FHIP1A: variants seen among roughly 807,000 people sequenced by gnomAD.
The protein encoded by FHIP1A is FHF complex subunit HOOK-interacting protein 1A.
Under a neutral mutation model 88.6 loss-of-function variants are expected in FHIP1A, and 61 were observed. The ratio of observed to expected loss-of-function variants is 0.69; its 90% CI spans 0.56 to 0.85. The LOEUF is 0.85. Among genes scored for constraint, FHIP1A ranks in the 40% least tolerant of loss-of-function variants. The pLI is 0.00. For synonymous variants in FHIP1A, 478 were observed against 496.0 expected, an observed-to-expected ratio of 0.96 and a Z score of 0.48; for missense variants, 1,154 against 1,273.5, an observed-to-expected ratio of 0.91 and a Z score of 1.43.
chr4:151,437,748 A>G (rs555203507), intron 1 of FHIP1A, among the ~76,000 whole-genome samples: 3 of 152,304 alleles, frequency 2.0e-5, no homozygotes, highest in Non-Finnish European at 2.9e-5. Context: ...CATGTGACAC[A>G]TAGTCAAACC....
At chr4:151,638,565 TAAA>T (rs11450944) in intron 8 of FHIP1A, 109 bp from the exon 9 acceptor site, 20 of 485,246 alleles carry the variant, frequency 4.1e-5, no homozygotes, top group South Asian at 7.6e-5. Flanking sequence ...TCAAAACTGC[TAAA>T]AAAAAAAAAA....
chr4:151,530,752 A>G (rs1731844304), intron 3 of FHIP1A, among the ~76,000 whole-genome samples: 1 of 152,182 alleles, frequency 6.6e-6, no homozygotes, highest in Admixed American at 6.5e-5. Context: ...GAGCAGCCAG[A>G]CAGACCTGAA....
intron 7 of FHIP1A, among the ~76,000 whole-genome samples, chr4:151,616,463 T>G (rs1478977556): frequency 6.8e-6 from 1 of 147,612 alleles, no homozygotes; most frequent in Non-Finnish European, 1.5e-5. Flanking sequence ...TTTTTTTTTT[T>G]TTTGAGACGG....
chr4:151,444,424 G>T (rs2724547), intron 1 of FHIP1A, among the ~76,000 whole-genome samples: 3 of 151,760 alleles, frequency 2.0e-5, no homozygotes, highest in Non-Finnish European at 4.4e-5. Context: ...AATAAAATGA[G>T]CATTGATACC....
At chr4:151,591,135 G>C (rs984960487) in intron 7 of FHIP1A, among the ~76,000 whole-genome samples, 1 of 151,374 alleles carries the variant, frequency 6.6e-6, no homozygotes, top group Non-Finnish European at 1.5e-5. Flanking sequence ...GGTTAGGGAC[G>C]GAGCAGGCCA....
chr4:151,520,277 G>A (rs1053417804), intron 3 of FHIP1A, among the ~76,000 whole-genome samples: 20 of 152,046 alleles, frequency 1.3e-4, no homozygotes, highest in African/African-American at 4.6e-4. Context: ...ACTCCATATG[G>A]ATATCTAGTT....
intron 4 of FHIP1A, among the ~76,000 whole-genome samples, chr4:151,572,686 A>G (rs1733640775): frequency 6.6e-6 from 1 of 152,210 alleles, no homozygotes; most frequent in East Asian, 1.9e-4. Context: ...TTTTTTCCAC[A>G]ATGCCACCTT....
chr4:151,582,120 C>T (rs780088022), intron 5 of FHIP1A, among the ~76,000 whole-genome samples: 1 of 152,044 alleles, frequency 6.6e-6, no homozygotes, highest in Admixed American at 6.5e-5. Context: ...TTAAAGCAAG[C>T]GACCTTTAGG....
At position 151,566,341 on chromosome 4, in the gene FHIP1A, G is replaced by A; in HGVS notation, c.82G>A (p.Val28Ile). The change falls in exon 4 of 14, where the codon GTA becomes ATA. Residue 28 changes from valine (V) to isoleucine (I), a missense_variant. Transcript: ENST00000435205. ...AGTTGACCCAGAAACATGCATGATTGTATTTAAAAACCACTGGGCACAGGT... is the reference window on the plus strand; with the variant it reads ...AGTTGACCCAGAAACATGCATGATTATATTTAAAAACCACTGGGCACAGGT... ...QGVDPETCMIVFKNHWAQVVK... is the reference protein window; with the variant it reads ...QGVDPETCMIIFKNHWAQVVK... 1 of 1,550,240 alleles carries A rather than the reference G, an allele frequency of 6.5e-7. No individual in the cohort carries two copies. The highest frequency in any genetic ancestry group is 2.4e-5 in the East Asian group (1 of 40,880).
intron 4 of FHIP1A, among the ~76,000 whole-genome samples, chr4:151,569,450 G>T (rs1733513743): frequency 1.3e-5 from 2 of 152,052 alleles, no homozygotes; most frequent in Admixed American, 6.5e-5. Flanking sequence ...TACTCAGGAG[G>T]CTGAGGCAGG....
chr4:151,535,293 C>T (rs6832899), intron 3 of FHIP1A, among the ~76,000 whole-genome samples: 28,734 of 152,088 alleles, frequency 0.19, 3,980 homozygotes, highest in African/African-American at 0.39. Context: ...TACCCAGCCA[C>T]GAGCAGATTG....
intron 1 of FHIP1A, among the ~76,000 whole-genome samples, chr4:151,419,381 T>G (rs1733026954): frequency 1.3e-5 from 2 of 152,292 alleles, no homozygotes; most frequent in African/African-American, 4.8e-5. Flanking sequence ...CTGCAGATCT[T>G]GAGACTTCTT....
Position 151,550,787 on chromosome 4 carries a change from A to G in FHIP1A, c.-122-15351A>G, listed in dbSNP as rs115237506. On this transcript the variant is annotated intron_variant, in intron 3 of 13. Transcript: ENST00000435205. ...TGCAGACTCTGAGGTGGAGATTTGC[A>G]TGCAGGAGTTTGTTAGGGTATGTTC... 5.3e-3 allele frequency among the ~76,000 whole-genome samples: 810 copies of G among 152,270 alleles called. 6 individuals are homozygous for G. The highest frequency in any genetic ancestry group is 0.019 in the African/African-American group (788 of 41,554).
At chr4:151,660,203 G>A (rs1737403302) in intron 13 of FHIP1A, among the ~76,000 whole-genome samples, 1 of 152,332 alleles carries the variant, frequency 6.6e-6, no homozygotes, top group East Asian at 1.9e-4. Context: ...CCGGGTCAAT[G>A]TGCTGCCACC....
chr4:151,440,358 G>A (rs1015475762), intron 1 of FHIP1A, among the ~76,000 whole-genome samples: 8 of 152,080 alleles, frequency 5.3e-5, no homozygotes, highest in African/African-American at 1.9e-4. Flanking sequence ...TTTTTGTTCA[G>A]GTGCCTGACA....
At chr4:151,542,442 CTA>C (rs1732331432) in intron 3 of FHIP1A, among the ~76,000 whole-genome samples, 1 of 152,132 alleles carries the variant, frequency 6.6e-6, no homozygotes, top group Non-Finnish European at 1.5e-5. Context: ...TTGTCCCACT[CTA>C]TATTCTCTTT....
chr4:151,645,498 C>T (rs745926968), intron 9 of FHIP1A, among the ~76,000 whole-genome samples: 8 of 151,802 alleles, frequency 5.3e-5, no homozygotes, highest in South Asian at 2.1e-4. Flanking sequence ...GAAAGTCGTA[C>T]TTTTTATCTT....
chr4:151,533,821 G>A lies in FHIP1A; in HGVS notation c.-122-32317G>A, dbSNP rs376360969. 3.9e-5 allele frequency among the ~76,000 whole-genome samples: 6 copies of A among 152,190 alleles called. No homozygotes were observed. The East Asian group carries it at 7.7e-4, about 20-fold the overall frequency. On this transcript the variant is annotated intron_variant, in intron 3 of 13. Transcript: ENST00000435205. ...AGCAGTGGATTATGCACAATCAACC[G>A]TGATGAATATATGAGCATTTTTAAT...
In FHIP1A at chr4:151,448,549, A is replaced by G. The variant is rs1359470707; in HGVS notation, c.-355-6152A>G. ...CTACTCTAGGTACCTCTAGACTAGA[A>G]TCATACAGTATTTGTCCTTTTGTGA... On this transcript the variant is annotated intron_variant, in intron 1 of 13. Coordinates refer to ENST00000435205, the MANE Select transcript of FHIP1A (RefSeq NM_001109977.3). 5.3e-5 allele frequency among the ~76,000 whole-genome samples: 8 copies of G among 152,310 alleles called. No individual in the cohort carries two copies. In the East Asian group the frequency reaches 1.5e-3, roughly 29 times the overall value.
Sources: gnomAD v4.1 joint callset for allele counts (sites outside exome capture counted in the v4.1 genomes callset) on GRCh38, gnomAD v4.1.1 for gene constraint, MANE v1.5 for transcripts, NCBI Gene and HGNC (gene_info 2026-07-23, HGNC 2026-07-21) for gene names.